ENTREP2: variants seen among roughly 807,000 people sequenced by gnomAD.
ENTREP2 encodes the protein endosomal transmembrane epsin interactor 2.
chr15:29,250,954 T>G, the ENTREP2 span, among the ~76,000 whole-genome samples: 13 of 152,122 alleles, frequency 8.5e-5, no homozygotes, highest in African/African-American at 2.7e-4. Context: ...GCCCCAACAA[T>G]TCATTTTTGT....
chr15:29,222,214 G>A, the ENTREP2 span, among the ~76,000 whole-genome samples: 4 of 152,138 alleles, frequency 2.6e-5, no homozygotes, highest in East Asian at 1.9e-4. Context: ...TGACAAGAGT[G>A]ATCTCTGGGT....
At chr15:29,290,165 C>T in the ENTREP2 span, among the ~76,000 whole-genome samples, 1 of 152,076 alleles carries the variant, frequency 6.6e-6, no homozygotes, top group African/African-American at 2.4e-5. Flanking sequence ...CTTTAAAATC[C>T]CCCACCAGTC....
chr15:29,248,662 T>C, the ENTREP2 span, among the ~76,000 whole-genome samples: 4 of 152,160 alleles, frequency 2.6e-5, no homozygotes, highest in Non-Finnish European at 2.9e-5. Context: ...AAGTTTAATC[T>C]TACTAGTACT....
the ENTREP2 span, among the ~76,000 whole-genome samples, chr15:29,214,706 A>G: frequency 6.9e-6 from 1 of 144,672 alleles, no homozygotes; most frequent in Non-Finnish European, 1.5e-5. Context: ...AAAAAAATGT[A>G]AAAAAAAAAG....
the ENTREP2 span, among the ~76,000 whole-genome samples, chr15:29,469,469 G>A: frequency 6.6e-6 from 1 of 152,194 alleles, no homozygotes; most frequent in Non-Finnish European, 1.5e-5. Flanking sequence ...CAAAGTGCTA[G>A]GATTACAGGC....
chr15:29,423,810 A>T, the ENTREP2 span, among the ~76,000 whole-genome samples: 2 of 150,026 alleles, frequency 1.3e-5, no homozygotes, highest in African/African-American at 4.9e-5. Flanking sequence ...AAAAAATTTG[A>T]TTTTTTTCTA....
chr15:29,411,872 T>C, the ENTREP2 span, among the ~76,000 whole-genome samples: 1 of 152,206 alleles, frequency 6.6e-6, no homozygotes, highest in Non-Finnish European at 1.5e-5. Flanking sequence ...CTCCCTGAAT[T>C]CTGCTCCTGG....
chr15:29,568,130 T>C, the ENTREP2 span, among the ~76,000 whole-genome samples: 58 of 152,292 alleles, frequency 3.8e-4, no homozygotes, highest in African/African-American at 1.4e-3. Context: ...CAAAGTGTTG[T>C]AGACAACAGA....
At chr15:29,282,400 A>T in the ENTREP2 span, among the ~76,000 whole-genome samples, 2 of 152,166 alleles carry the variant, frequency 1.3e-5, no homozygotes, top group Non-Finnish European at 2.9e-5. Context: ...CTTTTTCTTT[A>T]TAAATTACCC....
the ENTREP2 span, among the ~76,000 whole-genome samples, chr15:29,302,978 C>T: frequency 1.4e-3 from 220 of 152,232 alleles, no homozygotes; most frequent in African/African-American, 5.1e-3. Context: ...TCCCAGCGAC[C>T]CCAGACCTGA....
the ENTREP2 span, among the ~76,000 whole-genome samples, chr15:29,242,737 G>A: frequency 2.6e-5 from 4 of 152,186 alleles, no homozygotes; most frequent in Non-Finnish European, 5.9e-5. Context: ...AGCGAATGAT[G>A]GGGAAATGTC....
the ENTREP2 span, among the ~76,000 whole-genome samples, chr15:29,398,317 A>T: frequency 6.6e-6 from 1 of 152,040 alleles, no homozygotes; most frequent in Non-Finnish European, 1.5e-5. Flanking sequence ...GGTTCACGTC[A>T]GGAATGAAAA....
the ENTREP2 span, among the ~76,000 whole-genome samples, chr15:29,347,807 A>G: frequency 2.6e-5 from 4 of 152,226 alleles, no homozygotes; most frequent in African/African-American, 4.8e-5. Flanking sequence ...AGCAACTGCA[A>G]CACTCACTGC....
At chr15:29,503,436 T>C in the ENTREP2 span, among the ~76,000 whole-genome samples, 11 of 152,024 alleles carry the variant, frequency 7.2e-5, no homozygotes, top group African/African-American at 2.4e-4. Flanking sequence ...GGTTAGAGGA[T>C]TGGGGAATTG....
At chr15:29,550,380 C>T in the ENTREP2 span, among the ~76,000 whole-genome samples, 3 of 152,200 alleles carry the variant, frequency 2.0e-5, no homozygotes, top group African/African-American at 7.2e-5. Context: ...CCTCTAGGAA[C>T]TCACTCAATA....
At chr15:29,174,613 T>C in the ENTREP2 span, among the ~76,000 whole-genome samples, 57,807 of 151,324 alleles carry the variant, frequency 0.38, 13,682 homozygotes, top group African/African-American at 0.65. Context: ...GGCCTGAACC[T>C]GGGAGGCGGG....
the ENTREP2 span, among the ~76,000 whole-genome samples, chr15:29,273,688 C>T: frequency 5.6e-4 from 85 of 152,246 alleles, 2 homozygotes; most frequent in East Asian, 0.014. Context: ...GCTGCCAGTG[C>T]GGCTAGAATA....
At chr15:29,389,756 CCT>C in the ENTREP2 span, among the ~76,000 whole-genome samples, 1 of 152,140 alleles carries the variant, frequency 6.6e-6, no homozygotes, top group Non-Finnish European at 1.5e-5. Context: ...GACGCTGCTC[CCT>C]GTCATTGTGA....
At chr15:29,557,793 C>T in the ENTREP2 span, among the ~76,000 whole-genome samples, 1 of 152,208 alleles carries the variant, frequency 6.6e-6, no homozygotes, top group African/African-American at 2.4e-5. Flanking sequence ...CGAGCTCAGC[C>T]TGCCCTTACC....
Sources: gnomAD v4.1 joint callset for allele counts (sites outside exome capture counted in the v4.1 genomes callset) on GRCh38, gnomAD v4.1.1 for gene constraint, MANE v1.5 for transcripts, NCBI Gene and HGNC (gene_info 2026-07-23, HGNC 2026-07-21) for gene names.